ENTREP2: variants seen among roughly 807,000 people sequenced by gnomAD.
The protein encoded by ENTREP2 is endosomal transmembrane epsin interactor 2, also known as protein ENTREP2.
At chr15:29,649,057 TACACACACACAC>T in the ENTREP2 span, among the ~76,000 whole-genome samples, 2 of 144,972 alleles carry the variant, frequency 1.4e-5, no homozygotes, top group East Asian at 2.0e-4. Flanking sequence ...GGGACACATG[TACACACACACAC>T]ACACACACAC....
chr15:29,544,048 A>G, the ENTREP2 span, among the ~76,000 whole-genome samples: 2 of 151,678 alleles, frequency 1.3e-5, no homozygotes, highest in Non-Finnish European at 2.9e-5. Flanking sequence ...GTATTTATAA[A>G]ACAGCTTTTA....
At chr15:29,314,609 T>C in the ENTREP2 span, among the ~76,000 whole-genome samples, 4 of 152,360 alleles carry the variant, frequency 2.6e-5, no homozygotes, top group Admixed American at 2.0e-4. Context: ...TAGTTTTATA[T>C]GTACTGGGAA....
At chr15:29,320,761 T>G in the ENTREP2 span, among the ~76,000 whole-genome samples, 2 of 152,086 alleles carry the variant, frequency 1.3e-5, no homozygotes, top group South Asian at 2.1e-4. Context: ...GGCTCATAAG[T>G]AGACCAGACA....
the ENTREP2 span, among the ~76,000 whole-genome samples, chr15:29,284,533 G>A: frequency 6.8e-6 from 1 of 147,942 alleles, no homozygotes; most frequent in Non-Finnish European, 1.5e-5. Context: ...CTCCAGCCTG[G>A]GTGACAGAGA....
chr15:29,269,550 G>C, the ENTREP2 span: 1 of 1,512,992 alleles, frequency 6.6e-7, no homozygotes, highest in Non-Finnish European at 8.8e-7. Context: ...CGCCCGGCCC[G>C]CGGGACGTGC....
the ENTREP2 span, among the ~76,000 whole-genome samples, chr15:29,592,055 T>C: frequency 6.6e-6 from 1 of 152,174 alleles, no homozygotes; most frequent in South Asian, 2.1e-4. Flanking sequence ...ATCTTGGACT[T>C]CTAGCTTCCA....
the ENTREP2 span, among the ~76,000 whole-genome samples, chr15:29,356,836 A>G: frequency 6.6e-6 from 1 of 152,140 alleles, no homozygotes; most frequent in Non-Finnish European, 1.5e-5. Flanking sequence ...ACACAACTCC[A>G]ATAAACATCC....
the ENTREP2 span, among the ~76,000 whole-genome samples, chr15:29,290,972 C>T: frequency 6.6e-6 from 1 of 152,190 alleles, no homozygotes; most frequent in Admixed American, 6.5e-5. Flanking sequence ...CCTGCAGTTC[C>T]TGCCTCCCTT....
At chr15:29,309,694 C>T in the ENTREP2 span, among the ~76,000 whole-genome samples, 7 of 150,798 alleles carry the variant, frequency 4.6e-5, no homozygotes. Flanking sequence ...GAGGCTGATG[C>T]AGGAGAATTA....
the ENTREP2 span, among the ~76,000 whole-genome samples, chr15:29,231,692 T>C: frequency 6.6e-6 from 1 of 152,118 alleles, no homozygotes; most frequent in Non-Finnish European, 1.5e-5. Context: ...TATTCTTCAT[T>C]GTTAATACCT....
the ENTREP2 span, among the ~76,000 whole-genome samples, chr15:29,607,314 T>G: frequency 3.3e-5 from 5 of 151,756 alleles, no homozygotes. Flanking sequence ...CTTTTTTTTT[T>G]TTTTTGTCTT....
At chr15:29,294,010 A>AC in the ENTREP2 span, among the ~76,000 whole-genome samples, 2 of 151,764 alleles carry the variant, frequency 1.3e-5, no homozygotes, top group East Asian at 1.9e-4. Context: ...CCTAACCTCC[A>AC]CCCCCCATGT....
At chr15:29,623,343 A>T in the ENTREP2 span, among the ~76,000 whole-genome samples, 1,181 of 152,292 alleles carry the variant, frequency 7.8e-3, 28 homozygotes, top group East Asian at 0.091. Context: ...CCAAAGTTTC[A>T]GATGTTACCA....
At chr15:29,650,296 T>G in the ENTREP2 span, among the ~76,000 whole-genome samples, 28 of 152,258 alleles carry the variant, frequency 1.8e-4, no homozygotes, top group African/African-American at 6.0e-4. Context: ...GTGTTACTAC[T>G]TCGTCAAAAA....
the ENTREP2 span, among the ~76,000 whole-genome samples, chr15:29,383,891 C>T: frequency 1.3e-5 from 2 of 152,202 alleles, no homozygotes; most frequent in African/African-American, 4.8e-5. Context: ...AACACAGTTA[C>T]CGGCGACAGA....
At chr15:29,636,090 C>G in the ENTREP2 span, among the ~76,000 whole-genome samples, 1 of 152,206 alleles carries the variant, frequency 6.6e-6, no homozygotes, top group South Asian at 2.1e-4. Flanking sequence ...AAGAGAAACT[C>G]TGCCTGGTGC....
At chr15:29,588,478 G>A in the ENTREP2 span, among the ~76,000 whole-genome samples, 1 of 136,772 alleles carries the variant, frequency 7.3e-6, no homozygotes, top group South Asian at 2.4e-4. Context: ...AAAAAGAAAA[G>A]AAAGAGAGAT....
At chr15:29,203,151 C>T in the ENTREP2 span, among the ~76,000 whole-genome samples, 4 of 152,190 alleles carry the variant, frequency 2.6e-5, no homozygotes, top group African/African-American at 9.7e-5. Context: ...GCCTATAATC[C>T]CGGTACTTTG....
chr15:29,507,781 A>T, the ENTREP2 span, among the ~76,000 whole-genome samples: 1 of 152,242 alleles, frequency 6.6e-6, no homozygotes, highest in Non-Finnish European at 1.5e-5. Context: ...TAGCACTAAA[A>T]TGCCCACAGG....
Sources: gnomAD v4.1 joint callset for allele counts (sites outside exome capture counted in the v4.1 genomes callset) on GRCh38, gnomAD v4.1.1 for gene constraint, MANE v1.5 for transcripts, NCBI Gene and HGNC (gene_info 2026-07-23, HGNC 2026-07-21) for gene names.